Variants in CARMIL1 observed in about 807,000 individuals in gnomAD.
The protein encoded by CARMIL1 is F-actin-uncapping protein LRRC16A.
Under a neutral mutation model 177.1 loss-of-function variants are expected in CARMIL1, and 90 were observed. The ratio of observed to expected loss-of-function variants is 0.51; its 90% CI spans 0.43 to 0.61. The LOEUF is 0.61. Among genes scored for constraint, CARMIL1 ranks in the 20% least tolerant of loss-of-function variants. The probability of loss-of-function intolerance (pLI) is 0.00; values close to 1 mark genes in which losing one functional copy is unlikely to be tolerated. For missense variants in CARMIL1, 1,380 were observed against 1,667.0 expected (o/e 0.83, Z 3.00); for synonymous variants, 577 against 606.2 (o/e 0.95, Z 0.71).
chr6:25,547,432 T>C (rs1809613517), intron 26 of CARMIL1, among the ~76,000 whole-genome samples: 1 of 152,182 alleles, frequency 6.6e-6, no homozygotes, highest in South Asian at 2.1e-4. Context: ...TAGGAAAATA[T>C]GCAGAGGTAG....
chr6:25,452,169 G>T (rs760895915), intron 8 of CARMIL1: 50 of 764,720 alleles, frequency 6.5e-5, no homozygotes, highest in Non-Finnish European at 1.2e-4. Context: ...GGTGAAGCAG[G>T]CTCAGCTGTG....
intron 16 of CARMIL1, among the ~76,000 whole-genome samples, chr6:25,499,704 G>A (rs1047499175): frequency 4.6e-5 from 7 of 152,210 alleles, no homozygotes; most frequent in African/African-American, 1.7e-4. Context: ...TTGACATCCT[G>A]TTATACTACA....
In CARMIL1 at chr6:25,523,846, C is replaced by G. The variant is rs188308367; in HGVS notation, c.1968+3509C>G. ...GGAGCTGAAGCTAGTAGGATAATAA[C>G]TTACAGGACCACTTAAACAGTAAGT... On this transcript the variant is annotated intron_variant, in intron 23 of 36. Coordinates refer to ENST00000329474, the MANE Select transcript of CARMIL1 (RefSeq NM_017640.6). 1.3e-3 allele frequency among the ~76,000 whole-genome samples: 205 copies of G among 152,310 alleles called. 1 individual carries two copies. The highest frequency in any genetic ancestry group is 3.4e-3 in the Middle Eastern group (1 of 294).
At chr6:25,617,847 A>G (rs1352027824) in intron 36 of CARMIL1, among the ~76,000 whole-genome samples, 2 of 152,210 alleles carry the variant, frequency 1.3e-5, no homozygotes. Context: ...TTTACCCAAC[A>G]CAAACTTAAA....
chr6:25,405,096 A>T (rs1034221244), intron 2 of CARMIL1, among the ~76,000 whole-genome samples: 1 of 152,210 alleles, frequency 6.6e-6, no homozygotes, highest in African/African-American at 2.4e-5. Flanking sequence ...CTTTCAGTTT[A>T]TCTTGAAACT....
At chr6:25,613,161 C>A (rs1431566484) in intron 36 of CARMIL1, among the ~76,000 whole-genome samples, 3 of 152,244 alleles carry the variant, frequency 2.0e-5, no homozygotes, top group Non-Finnish European at 4.4e-5. Flanking sequence ...TGTGATCATG[C>A]AAGTTTATTT....
At chr6:25,394,164 G>C in intron 2 of CARMIL1, among the ~76,000 whole-genome samples, 1 of 152,138 alleles carries the variant, frequency 6.6e-6, no homozygotes, top group East Asian at 1.9e-4. Context: ...TGTATTTACA[G>C]AGAAAGATGC....
intron 2 of CARMIL1, among the ~76,000 whole-genome samples, chr6:25,344,335 C>T (rs1031659019): frequency 1.5e-4 from 23 of 152,152 alleles, no homozygotes; most frequent in Non-Finnish European, 3.1e-4. Flanking sequence ...CCTTCCCCAG[C>T]TTGGAGTCCA....
chr6:25,526,150 C>T (rs1332081322), intron 23 of CARMIL1, among the ~76,000 whole-genome samples: 1 of 139,150 alleles, frequency 7.2e-6, no homozygotes, highest in Non-Finnish European at 1.5e-5. Flanking sequence ...ACTAAAAATA[C>T]AAATAAATAA....
chr6:25,574,139 G>A (rs62393661), intron 29 of CARMIL1, among the ~76,000 whole-genome samples: 110 of 152,200 alleles, frequency 7.2e-4, no homozygotes, highest in Non-Finnish European at 1.2e-3. Context: ...GGTAGCAAAG[G>A]TGGTGGAAGT....
chr6:25,288,496 T>TTC (rs1220210496), intron 2 of CARMIL1, among the ~76,000 whole-genome samples: 3 of 150,660 alleles, frequency 2.0e-5, no homozygotes, highest in African/African-American at 7.4e-5. Context: ...TTTTTTTTTT[T>TTC]CCGTATGGAA....
In CARMIL1 at chr6:25,606,087, G is replaced by C; in HGVS notation, c.3661G>C (p.Glu1221Gln). 1 of 1,613,822 alleles carries C rather than the reference G, an allele frequency of 6.2e-7. No individual in the cohort carries two copies. The highest frequency in any genetic ancestry group is 8.5e-7 in the Non-Finnish European group (1 of 1,179,802). ...AVPKLHPGLPENRFGLGTPEK... is the reference protein window; with the variant it reads ...AVPKLHPGLPQNRFGLGTPEK... ...GCCTAAACTGCACCCAGGTCTTCCA[G>C]AGAACCGCTTTGGTTTGGGAACACC... The change falls in exon 35 of 37, where the codon GAG becomes CAG. Residue 1221 changes from glutamate to glutamine, a missense_variant. By Grantham distance (29) the Glu-to-Gln change is conservative. Transcript: ENST00000329474.
intron 1 of CARMIL1, among the ~76,000 whole-genome samples, chr6:25,284,436 A>T (rs1236489328): frequency 6.6e-6 from 1 of 152,214 alleles, no homozygotes; most frequent in Non-Finnish European, 1.5e-5. Flanking sequence ...ACGGTCGGGC[A>T]CGGTGGCTCA....
At chr6:25,405,876 A>G (rs1344479099) in intron 2 of CARMIL1, among the ~76,000 whole-genome samples, 1 of 152,204 alleles carries the variant, frequency 6.6e-6, no homozygotes. Context: ...GCAGGACAGA[A>G]TTATTATCAG....
Position 25,348,438 on chromosome 6 carries a change from C to T in CARMIL1, c.138+63529C>T, listed in dbSNP as rs74564709. On this transcript the variant is annotated intron_variant, in intron 2 of 36. Coordinates refer to ENST00000329474, the MANE Select transcript of CARMIL1 (RefSeq NM_017640.6). ...TGAGCCACTGTGCCTTGCTGTTAAA[C>T]GCGCTTCTAATCTTAAACATAGAAA... Among the ~76,000 whole-genome samples the T allele has an allele frequency of 8.4e-3, 1,268 of 151,458 alleles. 12 individuals are homozygous for T. Among genetic ancestry groups the T allele is most frequent in the African/African-American group, 0.026 (1,071 of 41,364 alleles).
chr6:25,344,440 G>T (rs1450062754), intron 2 of CARMIL1, among the ~76,000 whole-genome samples: 1 of 152,096 alleles, frequency 6.6e-6, no homozygotes, highest in Non-Finnish European at 1.5e-5. Flanking sequence ...CACAGTTCTG[G>T]TTAAATCCTT....
At chr6:25,607,565 G>A (rs977051443) in intron 35 of CARMIL1, among the ~76,000 whole-genome samples, 3 of 152,124 alleles carry the variant, frequency 2.0e-5, no homozygotes, top group Admixed American at 6.5e-5. Context: ...ACCAACTGTC[G>A]TGGTAACTGT....
intron 2 of CARMIL1, among the ~76,000 whole-genome samples, chr6:25,346,156 C>G (rs373244747): frequency 1.3e-5 from 1 of 74,110 alleles, no homozygotes; most frequent in South Asian, 6.1e-4. Context: ...TTCTTCCCAT[C>G]TCATTCAGAG....
At chr6:25,300,431 C>T (rs766061339) in intron 2 of CARMIL1, among the ~76,000 whole-genome samples, 2 of 152,128 alleles carry the variant, frequency 1.3e-5, no homozygotes, top group Non-Finnish European at 2.9e-5. Context: ...GTTTGGAAGG[C>T]CAAGGAGGGA....
Sources: allele counts gnomAD v4.1 joint callset (sites outside exome capture counted in the v4.1 genomes callset), GRCh38; gene constraint gnomAD v4.1.1; transcripts MANE v1.5; gene names NCBI Gene and HGNC (gene_info 2026-07-23, HGNC 2026-07-21).